STXBP5L: variants seen among roughly 807,000 people sequenced by gnomAD.
STXBP5L encodes the protein syntaxin-binding protein 5-like.
A neutral mutation model predicts 144.5 loss-of-function variants in STXBP5L; 65 were observed. That is an observed-to-expected ratio of 0.45 (90% CI 0.37 to 0.55). The LOEUF (loss-of-function observed/expected upper bound fraction) is 0.55, where lower values mean the gene tolerates loss of function less well. STXBP5L is among the 20% of genes least tolerant of loss of function. STXBP5L has a pLI of 0.00. For missense variants in STXBP5L, 1,298 were observed against 1,405.5 expected (o/e 0.92, Z 1.22); for synonymous variants, 505 against 469.6 (o/e 1.08, Z -0.97).
At chr3:121,177,056 A>C (rs926081560) in intron 9 of STXBP5L, among the ~76,000 whole-genome samples, 1 of 151,266 alleles carries the variant, frequency 6.6e-6, no homozygotes, top group African/African-American at 2.4e-5. Flanking sequence ...AGGGGAAAAA[A>C]ATCTGCTAGG....
intron 3 of STXBP5L, among the ~76,000 whole-genome samples, chr3:121,035,628 G>A (rs562524553): frequency 1.3e-5 from 2 of 152,082 alleles, no homozygotes; most frequent in African/African-American, 2.4e-5. Context: ...GTAATGTGAG[G>A]CTGGGCAATG....
At chr3:121,244,036 C>A (rs1008844072) in intron 14 of STXBP5L, among the ~76,000 whole-genome samples, 3 of 151,970 alleles carry the variant, frequency 2.0e-5, no homozygotes, top group Admixed American at 6.6e-5. Context: ...GCACTGGAAG[C>A]AAACTGTACT....
chr3:121,338,473 G>C (rs1198832871), intron 20 of STXBP5L, among the ~76,000 whole-genome samples: 1 of 150,914 alleles, frequency 6.6e-6, no homozygotes, highest in Non-Finnish European at 1.5e-5. Context: ...ATGAAACCCT[G>C]TCTCTACTAA....
rs1223838594 is a variant in STXBP5L at position 121,045,530 on chromosome 3, G to A, written c.465G>A (p.Arg155=). 6.2e-6 allele frequency: 10 copies of A among 1,609,976 alleles called. No individual in the cohort carries two copies. In the Admixed American group the frequency reaches 1.5e-4, roughly 24 times the overall value. Reference sequence around the variant, plus strand: ...TACTCCATTCTCTTAAATTTAACCGGGAACGGTAAGAACCTATGAATTAAA... The same window carrying A: ...TACTCCATTCTCTTAAATTTAACCGAGAACGGTAAGAACCTATGAATTAAA... ...PAILHSLKFN[R]ERITYCHLPF... Residue 155 remains arginine (R), a synonymous_variant, in exon 5 of 27, where the codon CGG becomes CGA. Coordinates refer to ENST00000471454, the MANE Select transcript of STXBP5L (RefSeq NM_001308330.2).
chr3:121,061,591 G>A (rs897254935), intron 5 of STXBP5L, among the ~76,000 whole-genome samples: 6 of 152,140 alleles, frequency 3.9e-5, no homozygotes, highest in African/African-American at 1.2e-4. Context: ...CACTATTATT[G>A]TGTGGGAGTC....
At chr3:121,199,483 T>C (rs140319997) in intron 9 of STXBP5L, among the ~76,000 whole-genome samples, 33 of 152,294 alleles carry the variant, frequency 2.2e-4, no homozygotes, top group Middle Eastern at 3.4e-3. Context: ...TTCTTTCTCT[T>C]GCCTGATTGC....
At chr3:121,360,902 G>A (rs1247721712) in intron 20 of STXBP5L, among the ~76,000 whole-genome samples, 1 of 152,028 alleles carries the variant, frequency 6.6e-6, no homozygotes, top group Non-Finnish European at 1.5e-5. Context: ...ACCTTCAGGT[G>A]GTTATATATT....
intron 9 of STXBP5L, among the ~76,000 whole-genome samples, chr3:121,170,702 A>G (rs2046676750): frequency 6.6e-6 from 1 of 152,240 alleles, no homozygotes; most frequent in Non-Finnish European, 1.5e-5. Flanking sequence ...AGTAATTATT[A>G]GCCTACCAAC....
chr3:120,916,499 C>T (rs1398698598), intron 2 of STXBP5L, among the ~76,000 whole-genome samples: 3 of 152,078 alleles, frequency 2.0e-5, no homozygotes, highest in African/African-American at 7.2e-5. Flanking sequence ...CGGGGTTTCA[C>T]CATGTTGGCC....
intron 10 of STXBP5L, among the ~76,000 whole-genome samples, chr3:121,217,355 A>G (rs960586421): frequency 2.0e-5 from 3 of 152,202 alleles, no homozygotes; most frequent in Non-Finnish European, 4.4e-5. Context: ...TGCGAAGACC[A>G]TGGGAAAAGC....
intron 11 of STXBP5L, among the ~76,000 whole-genome samples, chr3:121,229,674 GC>G (rs1243882834): frequency 6.6e-6 from 1 of 151,986 alleles, no homozygotes; most frequent in Non-Finnish European, 1.5e-5. Flanking sequence ...TCTCACCTCA[GC>G]CCCCCAAGTA....
chr3:121,046,155 G>A (rs914733591), intron 5 of STXBP5L, among the ~76,000 whole-genome samples: 8 of 152,068 alleles, frequency 5.3e-5, no homozygotes, highest in Admixed American at 3.9e-4. Flanking sequence ...TGTTTATGTA[G>A]TAGATCGCAT....
At chr3:121,333,025 C>A (rs2044376378) in intron 20 of STXBP5L, among the ~76,000 whole-genome samples, 1 of 152,044 alleles carries the variant, frequency 6.6e-6, no homozygotes, top group Non-Finnish European at 1.5e-5. Context: ...TTCAGACAAG[C>A]AAAGGCTGTG....
At chr3:121,254,613 AC>A (rs1393876979) in intron 15 of STXBP5L, among the ~76,000 whole-genome samples, 1 of 152,200 alleles carries the variant, frequency 6.6e-6, no homozygotes, top group Non-Finnish European at 1.5e-5. Context: ...TGATAAAAAT[AC>A]TTCCTTCATG....
chr3:121,147,039 A>C (rs2045738250), intron 7 of STXBP5L, among the ~76,000 whole-genome samples: 1 of 152,098 alleles, frequency 6.6e-6, no homozygotes, highest in African/African-American at 2.4e-5. Flanking sequence ...CCAGTCACTG[A>C]GAAAACAAAC....
At chr3:121,258,036 G>GA (rs1369739772) in intron 17 of STXBP5L, among the ~76,000 whole-genome samples, 2 of 151,920 alleles carry the variant, frequency 1.3e-5, no homozygotes, top group African/African-American at 4.8e-5. Flanking sequence ...TTCTATATTA[G>GA]AAAAAAGGAT....
intron 20 of STXBP5L, among the ~76,000 whole-genome samples, chr3:121,371,751 GTGGCCGC>G (rs1212975327): frequency 6.6e-6 from 1 of 152,226 alleles, no homozygotes; most frequent in Non-Finnish European, 1.5e-5. Flanking sequence ...GCTGGTAGTG[GTGGCCGC>G]CCAGTGCCAA....
At chr3:121,282,623 G>T (rs370421139) in intron 19 of STXBP5L, among the ~76,000 whole-genome samples, 1 of 151,880 alleles carries the variant, frequency 6.6e-6, no homozygotes, top group Non-Finnish European at 1.5e-5. Flanking sequence ...TTTATTTTGA[G>T]GAGGAAGAGC....
chr3:121,023,815 G>C (rs536147096), intron 3 of STXBP5L, among the ~76,000 whole-genome samples: 1 of 152,154 alleles, frequency 6.6e-6, no homozygotes, highest in Non-Finnish European at 1.5e-5. Context: ...GAGTGCAGTG[G>C]TGCAATCTTG....
Sources: allele counts gnomAD v4.1 joint callset (sites outside exome capture counted in the v4.1 genomes callset), GRCh38; gene constraint gnomAD v4.1.1; transcripts MANE v1.5; gene names NCBI Gene and HGNC (gene_info 2026-07-23, HGNC 2026-07-21).